Variants in PTGER3 observed in about 807,000 individuals in gnomAD.
PTGER3 encodes prostaglandin E receptor 3.
PTGER3 carries 22 observed loss-of-function variants against 34.7 expected under a neutral mutation model. The ratio of observed to expected loss-of-function variants is 0.63; its 90% CI spans 0.45 to 0.91. The LOEUF is 0.91. Ranked by LOEUF, PTGER3 falls within the 40% of genes least tolerant of loss-of-function variation. The probability of loss-of-function intolerance (pLI) is 0.00; values close to 1 mark genes in which losing one functional copy is unlikely to be tolerated. For synonymous variants in PTGER3, 241 were observed against 230.1 expected, an observed-to-expected ratio of 1.05 and a Z score of -0.43; for missense variants, 468 against 519.4, an observed-to-expected ratio of 0.90 and a Z score of 0.96.
downstream of PTGER3, among the ~76,000 whole-genome samples, chr1:70,950,431 C>T (rs1443764149): frequency 6.6e-6 from 1 of 152,146 alleles, no homozygotes; most frequent in African/African-American, 2.4e-5. Flanking sequence ...AGGACTAATT[C>T]CTTCACCTCA....
chr1:71,000,717 T>C (rs1656393404), intron 2 of PTGER3, among the ~76,000 whole-genome samples: 1 of 152,122 alleles, frequency 6.6e-6, no homozygotes, highest in Admixed American at 6.5e-5. Flanking sequence ...CTATTAAGAT[T>C]TAGCCACTGT....
intron 2 of PTGER3, chr1:71,007,945 T>G (rs1484114030): frequency 1.0e-6 from 1 of 985,106 alleles, no homozygotes; most frequent in Non-Finnish European, 1.2e-6. Context: ...TGGTGATCTC[T>G]TTCCTTCTTA....
At chr1:70,932,791 C>T (rs1469051098) in intron 4 of PTGER3, among the ~76,000 whole-genome samples, 1 of 152,120 alleles carries the variant, frequency 6.6e-6, no homozygotes, top group African/African-American at 2.4e-5. Context: ...CCTCTTTCAA[C>T]TATGCCCCCA....
At chr1:70,918,035 AT>A (rs1317535158) in intron 4 of PTGER3, among the ~76,000 whole-genome samples, 11 of 152,040 alleles carry the variant, frequency 7.2e-5, no homozygotes, top group Non-Finnish European at 1.3e-4. Context: ...TGGTACTGGC[AT>A]AAAACCACAC....
intron 4 of PTGER3, chr1:70,865,915 A>G: frequency 1.2e-6 from 1 of 865,488 alleles, no homozygotes; most frequent in Non-Finnish European, 1.6e-6. Context: ...CAAAATTGCC[A>G]CACCTTTCCT....
downstream of PTGER3, among the ~76,000 whole-genome samples, chr1:70,949,996 G>GT (rs1279472271): frequency 7.2e-5 from 11 of 152,016 alleles, no homozygotes; most frequent in African/African-American, 2.4e-4. Context: ...ATCTAAAAGA[G>GT]TAAATGTGTC....
chr1:70,953,143 T>C, intron 3 of PTGER3: 3 of 1,177,704 alleles, frequency 2.5e-6, no homozygotes, highest in South Asian at 1.8e-5. Context: ...AAAAAGGTGA[T>C]ACAGTATAAT....
intron 4 of PTGER3, among the ~76,000 whole-genome samples, chr1:70,875,047 G>T (rs1000416337): frequency 1.3e-5 from 2 of 152,170 alleles, no homozygotes; most frequent in African/African-American, 2.4e-5. Flanking sequence ...AGCCTAGGGG[G>T]AATATTCAGC....
At chr1:70,864,169 T>C (rs1645990564) in intron 4 of PTGER3, among the ~76,000 whole-genome samples, 1 of 152,170 alleles carries the variant, frequency 6.6e-6, no homozygotes, top group African/African-American at 2.4e-5. Context: ...TACCACCTTA[T>C]TCTAGCTATT....
chr1:71,000,777 GA>G (rs1203767841), intron 2 of PTGER3, among the ~76,000 whole-genome samples: 1 of 151,900 alleles, frequency 6.6e-6, no homozygotes, highest in Non-Finnish European at 1.5e-5. Flanking sequence ...CGTAACTCTA[GA>G]AAAAAAGAGA....
chr1:70,918,970 C>T lies in PTGER3; in HGVS notation c.*23+34793G>A, dbSNP rs140052182. The stretch of plus-strand genomic sequence containing the variant: ...TGAAATAGTTATAGTTTCTTGGACA[C>T]GTATTCAGAGATACAAATAGAGGTT... On this transcript the variant is annotated intron_variant, in intron 4 of 4. Coordinates refer to the PTGER3 transcript ENST00000370931. Among the ~76,000 whole-genome samples, 219 of 152,074 alleles carry T rather than the reference C, an allele frequency of 1.4e-3. 3 individuals carry two copies. The highest frequency in any genetic ancestry group is 4.8e-3 in the African/African-American group (198 of 41,508).
chr1:70,923,484 G>A (rs1647753376), intron 4 of PTGER3, among the ~76,000 whole-genome samples: 1 of 152,040 alleles, frequency 6.6e-6, no homozygotes, highest in Non-Finnish European at 1.5e-5. Flanking sequence ...AATTCTAACA[G>A]GTGTTCTTAA....
intron 4 of PTGER3, among the ~76,000 whole-genome samples, chr1:70,893,109 AG>A (rs1388916250): frequency 6.6e-6 from 1 of 152,194 alleles, no homozygotes; most frequent in Non-Finnish European, 1.5e-5. Context: ...AGCTTTTCTC[AG>A]ATCCTCATTC....
At chr1:70,915,592 T>C (rs1188418658) in intron 4 of PTGER3, among the ~76,000 whole-genome samples, 1 of 151,970 alleles carries the variant, frequency 6.6e-6, no homozygotes, top group East Asian at 1.9e-4. Flanking sequence ...TAAACTTTAC[T>C]TGACTGTTGA....
At chr1:70,985,078 G>A (rs114783474) in intron 2 of PTGER3, among the ~76,000 whole-genome samples, 13 of 152,100 alleles carry the variant, frequency 8.5e-5, no homozygotes, top group Non-Finnish European at 1.8e-4. Context: ...GGCCTTTGCC[G>A]ACAAAATCCT....
At chr1:70,998,413 G>C (rs1656171949) in intron 2 of PTGER3, 1 of 152,196 alleles carries the variant, frequency 6.6e-6, no homozygotes, top group African/African-American at 2.4e-5. Context: ...ACTTCGCTCT[G>C]AAGAATGAGA....
At chr1:70,895,492 G>T (rs1263796100) in intron 4 of PTGER3, among the ~76,000 whole-genome samples, 1 of 152,168 alleles carries the variant, frequency 6.6e-6, no homozygotes. Context: ...ATAAAATCCA[G>T]TGTAAGAGCT....
chr1:70,950,295 T>G (rs934016263), downstream of PTGER3, among the ~76,000 whole-genome samples: 2 of 152,184 alleles, frequency 1.3e-5, no homozygotes, highest in Non-Finnish European at 2.9e-5. Flanking sequence ...ATAGTTAATA[T>G]TTTCTACCTC....
downstream of PTGER3, among the ~76,000 whole-genome samples, chr1:70,947,690 TG>T (rs1248151265): frequency 6.6e-6 from 1 of 152,162 alleles, no homozygotes; most frequent in Admixed American, 6.6e-5. Flanking sequence ...ACTGTAGATT[TG>T]GGTTGCTGAG....
Sources: gnomAD v4.1 joint callset for allele counts (sites outside exome capture counted in the v4.1 genomes callset) on GRCh38, gnomAD v4.1.1 for gene constraint, MANE v1.5 for transcripts, NCBI Gene and HGNC (gene_info 2026-07-23, HGNC 2026-07-21) for gene names.